Variants in SLC41A2 observed in about 807,000 individuals in gnomAD.
SLC41A2 encodes SLC41A1-like 1.
Under a neutral mutation model 58.3 loss-of-function variants are expected in SLC41A2, and 32 were observed. The ratio of observed to expected loss-of-function variants is 0.55; its 90% CI spans 0.41 to 0.74. SLC41A2 has a LOEUF of 0.74. Among genes scored for constraint, SLC41A2 ranks in the 30% least tolerant of loss-of-function variants. The pLI, the probability that SLC41A2 is intolerant of heterozygous loss-of-function variation, is 0.00. For missense variants in SLC41A2, 514 were observed against 680.6 expected (o/e 0.76, Z 2.72); for synonymous variants, 190 against 235.0 (o/e 0.81, Z 1.75).
At chr12:104,945,272 G>A (rs1565922218) in intron 1 of SLC41A2, among the ~76,000 whole-genome samples, 1 of 152,060 alleles carries the variant, frequency 6.6e-6, no homozygotes. Flanking sequence ...AGGCCAATGG[G>A]GTCAGATCAC....
At chr12:104,889,542 T>C (rs955566288) in intron 4 of SLC41A2, among the ~76,000 whole-genome samples, 6 of 152,182 alleles carry the variant, frequency 3.9e-5, no homozygotes, top group Admixed American at 3.3e-4. Flanking sequence ...TGGCAAGAGA[T>C]TGGATTTTAT....
intron 1 of SLC41A2, among the ~76,000 whole-genome samples, chr12:104,938,832 TTTTAG>T (rs2047386589): frequency 2.0e-5 from 3 of 152,236 alleles, no homozygotes; most frequent in Non-Finnish European, 4.4e-5. Context: ...TTCCTATCCA[TTTTAG>T]TTTAGGAGAG....
intron 10 of SLC41A2, among the ~76,000 whole-genome samples, chr12:104,814,826 G>T (rs908368691): frequency 1.3e-5 from 2 of 152,118 alleles, no homozygotes; most frequent in African/African-American, 4.8e-5. Context: ...AAGATTGTTG[G>T]AATAGAAGTC....
chr12:104,840,221 C>T (rs1429043632), intron 10 of SLC41A2, among the ~76,000 whole-genome samples: 1 of 152,164 alleles, frequency 6.6e-6, no homozygotes, highest in South Asian at 2.1e-4. Context: ...CATAAGTTAA[C>T]AGGCTTTGAG....
At chr12:104,952,452 G>T (rs1195761717) in intron 1 of SLC41A2, among the ~76,000 whole-genome samples, 2 of 152,166 alleles carry the variant, frequency 1.3e-5, no homozygotes, top group Non-Finnish European at 2.9e-5. Context: ...TGGAATACCT[G>T]TAATGCTGGG....
intron 6 of SLC41A2, among the ~76,000 whole-genome samples, chr12:104,869,240 C>A (rs1381485136): frequency 3.3e-5 from 5 of 152,030 alleles, no homozygotes; most frequent in Non-Finnish European, 5.9e-5. Context: ...TATGAATATG[C>A]CAAAAACCAC....
At chr12:104,817,466 T>A (rs1400554594) in intron 10 of SLC41A2, among the ~76,000 whole-genome samples, 3 of 152,174 alleles carry the variant, frequency 2.0e-5, no homozygotes, top group Non-Finnish European at 4.4e-5. Context: ...TTTAATTGTT[T>A]TTTACTTTTT....
chr12:104,832,069 A>C (rs1326675638), intron 10 of SLC41A2, among the ~76,000 whole-genome samples: 1 of 152,198 alleles, frequency 6.6e-6, no homozygotes, highest in Non-Finnish European at 1.5e-5. Flanking sequence ...AAAAAGTAAC[A>C]ACTCATCAGA....
chr12:104,957,837 G>T (rs912919036), intron 1 of SLC41A2, among the ~76,000 whole-genome samples: 1 of 152,102 alleles, frequency 6.6e-6, no homozygotes, highest in Admixed American at 6.5e-5. Context: ...CCGCTTGTCC[G>T]CGGTGGCCGC....
At position 104,889,266 on chromosome 12, in the gene SLC41A2, CA is replaced by C. The variant is rs969045563; in HGVS notation, c.736-90del. On this transcript the variant is annotated intron_variant, in intron 4 of 10. Transcript: ENST00000258538. ...TTATGTAAATATTACTACAAAAAGT[CA>C]AAAAAAGTATTGCATGTAATAATTG... The C allele has an allele frequency of 1.7e-5, 23 of 1,327,018 alleles. No individual in the cohort carries two copies. The Admixed American group carries it at 3.1e-4, about 18-fold the overall frequency. 82.2% of individuals were successfully genotyped at this position (1,327,018 alleles called of 1,614,324 possible). A position where few individuals can be genotyped will look rare whatever the true frequency, so the allele number is the denominator to read the frequency against.
chr12:104,863,372 C>T (rs2043284255), intron 7 of SLC41A2, among the ~76,000 whole-genome samples: 1 of 152,016 alleles, frequency 6.6e-6, no homozygotes, highest in Non-Finnish European at 1.5e-5. Context: ...GAGTTTGAGG[C>T]TGCAGTGAAC....
intron 2 of SLC41A2, among the ~76,000 whole-genome samples, chr12:104,920,243 T>C (rs1196822719): frequency 1.3e-5 from 2 of 152,182 alleles, no homozygotes; most frequent in African/African-American, 4.8e-5. Context: ...TTGAAATTTT[T>C]CCTGTCTCAA....
chr12:104,811,576 A>G (rs949487577), intron 10 of SLC41A2, among the ~76,000 whole-genome samples: 2 of 152,216 alleles, frequency 1.3e-5, no homozygotes, highest in African/African-American at 2.4e-5. Context: ...GGAGTTACCA[A>G]CCATATATAT....
chr12:104,810,700 C>T (rs2041136290), intron 10 of SLC41A2, among the ~76,000 whole-genome samples: 1 of 152,154 alleles, frequency 6.6e-6, no homozygotes, highest in Non-Finnish European at 1.5e-5. Flanking sequence ...TTTACTATTC[C>T]TAATGTTCAT....
intron 2 of SLC41A2, among the ~76,000 whole-genome samples, chr12:104,911,012 G>A (rs182317492): frequency 6.6e-6 from 1 of 152,116 alleles, no homozygotes; most frequent in Non-Finnish European, 1.5e-5. Flanking sequence ...CATCTGCATA[G>A]TAAGAACCTT....
chr12:104,910,608 C>T (rs1305895801), intron 2 of SLC41A2, among the ~76,000 whole-genome samples: 2 of 152,036 alleles, frequency 1.3e-5, no homozygotes, highest in Admixed American at 6.6e-5. Flanking sequence ...GGGAAGGGGG[C>T]GGGTCAGACA....
Position 104,886,580 on chromosome 12 carries a change from CAT to C in SLC41A2, c.881-143_881-142del, listed in dbSNP as rs146330024. 2.6e-3 allele frequency: 2,199 copies of C among 836,444 alleles called. 34 individuals carry two copies. In the African/African-American group the frequency reaches 0.033, roughly 13 times the overall value. The allele number at this position is 836,444 out of a possible 1,614,324, so 51.8% of individuals were successfully genotyped here. On this transcript the variant is annotated intron_variant, in intron 5 of 10. Coordinates refer to ENST00000258538, the MANE Select transcript of SLC41A2 (RefSeq NM_001352171.3). ...GATAAGCTGACTAAAGCAAACAAAA[CAT>C]TTACTCTAACGCTTTGGCAAAATGC... is the stretch of plus-strand genomic sequence containing the variant.
chr12:104,894,352 C>CA (rs755400420), intron 4 of SLC41A2, among the ~76,000 whole-genome samples: 3,373 of 110,240 alleles, frequency 0.031, 45 homozygotes, highest in African/African-American at 0.052. Flanking sequence ...GACCCTGCCT[C>CA]AAAAAAAAAA....
chr12:104,936,097 G>C (rs919140951), intron 1 of SLC41A2, among the ~76,000 whole-genome samples: 1 of 151,732 alleles, frequency 6.6e-6, no homozygotes, highest in African/African-American at 2.4e-5. Context: ...AAATGTCATA[G>C]CATGAGGCAT....
Sources: allele counts gnomAD v4.1 joint callset (sites outside exome capture counted in the v4.1 genomes callset), GRCh38; gene constraint gnomAD v4.1.1; transcripts MANE v1.5; gene names NCBI Gene and HGNC (gene_info 2026-07-23, HGNC 2026-07-21).